DCK: variants seen among roughly 807,000 people sequenced by gnomAD.
DCK encodes deoxycytidine kinase.
DCK carries 23 observed loss-of-function variants against 38.3 expected under a neutral mutation model. That is an observed-to-expected ratio of 0.60 (90% CI 0.43 to 0.85). DCK has a LOEUF of 0.85. Among genes scored for constraint, DCK ranks in the 40% least tolerant of loss-of-function variants. The pLI, the probability that DCK is intolerant of heterozygous loss-of-function variation, is 0.00. For synonymous variants in DCK, 108 were observed against 100.6 expected, an observed-to-expected ratio of 1.07 and a Z score of -0.44; for missense variants, 259 against 304.4, an observed-to-expected ratio of 0.85 and a Z score of 1.11.
In DCK at chr4:71,021,829, C is replaced by T. The variant is rs551352223; in HGVS notation, c.208-538C>T. Among the ~76,000 whole-genome samples the T allele has an allele frequency of 5.3e-5, 8 of 152,170 alleles. No homozygotes were observed. The South Asian group carries it at 8.3e-4, about 16-fold the overall frequency. On this transcript the variant is annotated intron_variant, in intron 2 of 6. Transcript: ENST00000286648. ...CATCCTGGCTAACACGGTGAAACCCCGTCTCTACTAAAAATGTAAAAAATT... is the reference window on the plus strand; with the variant it reads ...CATCCTGGCTAACACGGTGAAACCCTGTCTCTACTAAAAATGTAAAAAATT...
intron 2 of DCK, among the ~76,000 whole-genome samples, chr4:71,018,509 A>G (rs1740331391): frequency 6.6e-6 from 1 of 152,056 alleles, no homozygotes; most frequent in Non-Finnish European, 1.5e-5. Flanking sequence ...CCACAAATGT[A>G]GCTAAACTGC....
intron 2 of DCK, 70 bp from the exon 3 acceptor site, chr4:71,022,296 GC>G: frequency 1.3e-6 from 1 of 796,454 alleles, no homozygotes; most frequent in Non-Finnish European, 1.9e-6. Context: ...TTATTTTTTA[GC>G]CTTAAAAATT....
intron 1 of DCK, among the ~76,000 whole-genome samples, chr4:70,994,604 C>T (rs892624635): frequency 9.2e-5 from 14 of 152,202 alleles, no homozygotes; most frequent in Non-Finnish European, 1.6e-4. Context: ...ATGGATGTAC[C>T]ATCGTTTATC....
intron 2 of DCK, among the ~76,000 whole-genome samples, chr4:71,015,809 A>C (rs958332932): frequency 6.6e-6 from 1 of 152,214 alleles, no homozygotes; most frequent in African/African-American, 2.4e-5. Flanking sequence ...ATTTATGACA[A>C]ACCCACAGCC....
chr4:71,003,494 T>C (rs1449087100), intron 2 of DCK, among the ~76,000 whole-genome samples: 1 of 152,348 alleles, frequency 6.6e-6, no homozygotes, highest in East Asian at 1.9e-4. Context: ...TGGATTTGAA[T>C]GTTGGCCTGT....
intron 2 of DCK, among the ~76,000 whole-genome samples, chr4:71,008,901 C>G (rs543303237): frequency 6.6e-6 from 1 of 152,192 alleles, no homozygotes; most frequent in South Asian, 2.1e-4. Flanking sequence ...ATAAGAATGT[C>G]TGAGAGCTAA....
intron 2 of DCK, among the ~76,000 whole-genome samples, chr4:71,001,827 G>T (rs930528377): frequency 3.3e-5 from 5 of 150,122 alleles, no homozygotes; most frequent in African/African-American, 1.2e-4. Context: ...GATCAGTGGT[G>T]ATCCTTTATT....
Position 71,022,428 on chromosome 4 carries a change from A to G in DCK, c.269A>G (p.Glu90Gly), listed in dbSNP as rs184543423. The G allele has an allele frequency of 1.4e-4, 217 of 1,606,592 alleles. No homozygotes were observed. In the Admixed American group the frequency reaches 2.2e-3, roughly 16 times the overall value. ...NVLQMMYEKPERWSFTFQTYA... is the reference protein window; with the variant it reads ...NVLQMMYEKPGRWSFTFQTYA... ...CTTCAGATGATGTATGAGAAACCTG[A>G]ACGATGGTCTTTTACCTTCCAAACA... Residue 90 changes from glutamate (E) to glycine (G), a missense_variant, in exon 3 of 7, where the codon GAA becomes GGA. Glu to Gly is a moderately conservative substitution (Grantham distance 98). This residue lies in a region of DCK where 159 missense variants were observed against 159.0 expected (regional missense o/e 1.00). Coordinates refer to ENST00000286648, the MANE Select transcript of DCK (RefSeq NM_000788.3).
chr4:70,999,418 T>C (rs554918488), intron 2 of DCK, among the ~76,000 whole-genome samples: 182 of 152,362 alleles, frequency 1.2e-3, no homozygotes, highest in African/African-American at 4.3e-3. Flanking sequence ...ATCCAGTCTA[T>C]CATTGATGGG....
intron 2 of DCK, among the ~76,000 whole-genome samples, chr4:71,002,261 A>T (rs927975829): frequency 1.3e-5 from 2 of 152,144 alleles, no homozygotes; most frequent in African/African-American, 4.8e-5. Context: ...TTCAGTTTCC[A>T]TGTAGTTGTG....
intron 2 of DCK, among the ~76,000 whole-genome samples, chr4:71,012,525 G>A (rs2148915783): frequency 6.6e-6 from 1 of 152,300 alleles, no homozygotes; most frequent in African/African-American, 2.4e-5. Flanking sequence ...CCAGTAGGGG[G>A]AGACTGACAC....
chr4:71,029,221 G>C, intron 6 of DCK, 131 bp from the exon 7 acceptor site: 1 of 532,366 alleles, frequency 1.9e-6, no homozygotes, highest in Non-Finnish European at 3.3e-6. Context: ...GAAAGTAAAT[G>C]CAATGGCATT....
chr4:71,027,684 TAG>T (rs61589978), intron 6 of DCK, among the ~76,000 whole-genome samples: 64 of 152,302 alleles, frequency 4.2e-4, no homozygotes, highest in African/African-American at 1.5e-3. Flanking sequence ...GTAACTACTG[TAG>T]CGTATACATG....
rs887308714 is a variant in DCK, at chr4:71,019,090, G to GA, written c.208-3276dup. 3.5e-4 allele frequency among the ~76,000 whole-genome samples: 54 copies of GA among 152,258 alleles called. 1 individual carries two copies. The highest frequency in any genetic ancestry group is 1.2e-3 in the African/African-American group (50 of 41,556). ...TTTTATATGACTCATAAGTTATCCTGAGGAACCAGATAATGATACCCTGGC... is the reference window on the plus strand; with the variant it reads ...TTTTATATGACTCATAAGTTATCCTGAAGGAACCAGATAATGATACCCTGGC... On this transcript the variant is annotated intron_variant, in intron 2 of 6. Transcript: ENST00000286648.
intron 2 of DCK, among the ~76,000 whole-genome samples, chr4:71,000,502 G>A (rs866765693): frequency 2.0e-5 from 3 of 152,060 alleles, no homozygotes; most frequent in Non-Finnish European, 2.9e-5. Context: ...TTGGCTATAC[G>A]GGCTCTTTTT....
chr4:71,011,529 G>C (rs1560683384), intron 2 of DCK, among the ~76,000 whole-genome samples: 1 of 152,026 alleles, frequency 6.6e-6, no homozygotes, highest in Non-Finnish European at 1.5e-5. Context: ...GCTAATTTTT[G>C]TATTTTTTAT....
intron 2 of DCK, among the ~76,000 whole-genome samples, chr4:71,013,090 G>T (rs759613317): frequency 6.6e-6 from 1 of 152,184 alleles, no homozygotes; most frequent in Non-Finnish European, 1.5e-5. Flanking sequence ...GAAAACCATG[G>T]CACGAGAACT....
Position 71,011,149 on chromosome 4 carries a change from G to T in DCK, c.208-11218G>T, listed in dbSNP as rs1039478557. 2.0e-5 allele frequency among the ~76,000 whole-genome samples: 3 copies of T among 151,294 alleles called. No individual in the cohort carries two copies. The East Asian group carries it at 5.8e-4, about 29-fold the overall frequency. ...GTAGAGATGGGGTTTCACCATGTTGGCCAGGCTGGTCTTGAACTCCTGACC... is the reference window on the plus strand; with the variant it reads ...GTAGAGATGGGGTTTCACCATGTTGTCCAGGCTGGTCTTGAACTCCTGACC... On this transcript the variant is annotated intron_variant, in intron 2 of 6. Coordinates refer to ENST00000286648, the MANE Select transcript of DCK (RefSeq NM_000788.3).
chr4:71,028,480 T>G (rs1434299213), intron 6 of DCK: 2 of 290,816 alleles, frequency 6.9e-6, no homozygotes, highest in Non-Finnish European at 1.3e-5. Context: ...TAGCCAGGAG[T>G]TCAAGGCTGC....
Sources: allele counts gnomAD v4.1 joint callset (sites outside exome capture counted in the v4.1 genomes callset), GRCh38; gene constraint gnomAD v4.1.1; regional missense constraint gnomAD v4.1.1; transcripts MANE v1.5; gene names NCBI Gene and HGNC (gene_info 2026-07-23, HGNC 2026-07-21).